HACE1: variants seen among roughly 807,000 people sequenced by gnomAD.
HACE1 encodes E3 ubiquitin-protein ligase HACE1.
Under a neutral mutation model 118.4 loss-of-function variants are expected in HACE1, and 73 were observed. The ratio of observed to expected loss-of-function variants is 0.62; its 90% CI spans 0.51 to 0.75. The LOEUF (loss-of-function observed/expected upper bound fraction) is 0.75, where lower values mean the gene tolerates loss of function less well. HACE1 is among the 30% of genes least tolerant of loss of function. The pLI is 0.00. For synonymous variants in HACE1, 368 were observed against 374.8 expected (o/e 0.98, Z 0.21); for missense variants, 749 against 1,102.2 (o/e 0.68, Z 4.54).
chr6:104,832,760 G>A (rs34372858), intron 6 of HACE1, among the ~76,000 whole-genome samples: 21,988 of 151,784 alleles, frequency 0.14, 1,618 homozygotes, highest in Middle Eastern at 0.22. Flanking sequence ...TGGGCCAGGT[G>A]CAGTGGTTCA....
At chr6:104,819,818 A>AAT (rs1217577821) in intron 6 of HACE1, among the ~76,000 whole-genome samples, 1 of 152,206 alleles carries the variant, frequency 6.6e-6, no homozygotes, top group Non-Finnish European at 1.5e-5. Context: ...ATGGTGTTGT[A>AAT]ATAACTGGTT....
intron 7 of HACE1, among the ~76,000 whole-genome samples, chr6:104,804,515 A>G (rs1224133059): frequency 1.3e-5 from 2 of 152,160 alleles, no homozygotes; most frequent in Non-Finnish European, 2.9e-5. Context: ...ACCAAGAGAT[A>G]TAGACCAATG....
Position 104,833,054 on chromosome 6 carries a change from G to T in HACE1, c.522C>A (p.Asn174Lys). ...GQTALHVACQ[N>K]GHKTTVQCLL... ...TGGCTCAACTTACCGTCTTGTGACC[G>T]TTCTGGCAGGCAACATGCAGTGCTG... The change falls in exon 6 of 24, where the codon AAC becomes AAA. Residue 174 changes from asparagine (N) to lysine (K), a missense_variant. Asn to Lys is a moderately conservative substitution (Grantham distance 94). This residue lies in a region of HACE1 where 267 missense variants were observed against 312.2 expected (regional missense o/e 0.86). Transcript: ENST00000262903. The T allele has an allele frequency of 6.2e-7, 1 of 1,613,072 alleles. No individual in the cohort carries two copies.
intron 6 of HACE1, among the ~76,000 whole-genome samples, chr6:104,830,557 G>A (rs1022974203): frequency 6.6e-6 from 1 of 152,010 alleles, no homozygotes; most frequent in Admixed American, 6.6e-5. Flanking sequence ...CATACATCCT[G>A]AAACCAGGTT....
intron 19 of HACE1, among the ~76,000 whole-genome samples, chr6:104,755,448 A>T (rs1335163414): frequency 6.6e-6 from 1 of 152,198 alleles, no homozygotes; most frequent in African/African-American, 2.4e-5. Flanking sequence ...TATCTACAGA[A>T]CTTCCCACCG....
chr6:104,828,753 T>C lies in HACE1; in HGVS notation c.534+4289A>G, dbSNP rs1299263415. On this transcript the variant is annotated intron_variant, in intron 6 of 23. Transcript: ENST00000262903. ...CAACAGCTGCATCTATATGAAATCA[T>C]ATTTAAGATTACTCAAGTTCTTAGT... 2.6e-5 allele frequency among the ~76,000 whole-genome samples: 4 copies of C among 152,068 alleles called. No homozygotes were observed. The East Asian group carries it at 7.7e-4, about 29-fold the overall frequency.
intron 7 of HACE1, among the ~76,000 whole-genome samples, chr6:104,810,275 C>T (rs966921610): frequency 1.3e-5 from 2 of 151,840 alleles, no homozygotes; most frequent in Admixed American, 1.3e-4. Context: ...CCCAGAAGCC[C>T]CTGAATTCTA....
At chr6:104,808,101 G>A (rs1324653558) in intron 7 of HACE1, among the ~76,000 whole-genome samples, 9 of 151,864 alleles carry the variant, frequency 5.9e-5, no homozygotes, top group South Asian at 2.1e-4. Flanking sequence ...CAGGAGAATC[G>A]CTTGAAGCCA....
intron 7 of HACE1, among the ~76,000 whole-genome samples, chr6:104,800,488 G>A (rs1401947947): frequency 1.3e-5 from 2 of 152,098 alleles, no homozygotes; most frequent in Admixed American, 6.6e-5. Flanking sequence ...TCATATAGGC[G>A]GGTGCCCCTC....
At chr6:104,822,719 T>C (rs973502613) in intron 6 of HACE1, among the ~76,000 whole-genome samples, 13 of 151,760 alleles carry the variant, frequency 8.6e-5, no homozygotes, top group African/African-American at 2.7e-4. Flanking sequence ...TAGCCTGGCG[T>C]GGTGGTACAT....
intron 7 of HACE1, among the ~76,000 whole-genome samples, chr6:104,801,519 C>T (rs753388037): frequency 5.3e-5 from 8 of 152,164 alleles, no homozygotes; most frequent in South Asian, 2.1e-4. Context: ...GCGGATCTCT[C>T]GGCAGAAACT....
chr6:104,852,488 G>A (rs1469759619), intron 1 of HACE1, 117 bp from the exon 2 acceptor site: 4 of 683,834 alleles, frequency 5.8e-6, no homozygotes, highest in Non-Finnish European at 1.1e-5. Flanking sequence ...GAGGAAGAAG[G>A]AGGAAAGAAT....
intron 7 of HACE1, among the ~76,000 whole-genome samples, chr6:104,805,398 T>C (rs1770878060): frequency 6.6e-6 from 1 of 152,190 alleles, no homozygotes; most frequent in Non-Finnish European, 1.5e-5. Context: ...TAAAGACACA[T>C]GGATACATAT....
intron 10 of HACE1, among the ~76,000 whole-genome samples, chr6:104,795,192 G>C (rs998053016): frequency 6.6e-6 from 1 of 152,070 alleles, no homozygotes; most frequent in African/African-American, 2.4e-5. Context: ...AACTTTATAA[G>C]GAGTCATGAA....
At chr6:104,766,278 G>C (rs909289036) in intron 19 of HACE1, among the ~76,000 whole-genome samples, 8 of 152,068 alleles carry the variant, frequency 5.3e-5, no homozygotes, top group African/African-American at 1.9e-4. Flanking sequence ...CAGCAGAAGG[G>C]GGCTGGGAGG....
chr6:104,744,319 CATTTT>C, intron 21 of HACE1, 89 bp from the exon 22 acceptor site: 3 of 915,876 alleles, frequency 3.3e-6, no homozygotes, highest in Non-Finnish European at 5.5e-6. Context: ...TCATAAAGCA[CATTTT>C]ATTCTACAAA....
At chr6:104,756,683 TGGGA>T (rs1166098563) in intron 19 of HACE1, among the ~76,000 whole-genome samples, 3 of 151,680 alleles carry the variant, frequency 2.0e-5, no homozygotes, top group Non-Finnish European at 4.4e-5. Context: ...TTCAACTCAT[TGGGA>T]CTGGTTGGAC....
chr6:104,736,994 A>G (rs1775915278), intron 22 of HACE1, among the ~76,000 whole-genome samples: 1 of 152,094 alleles, frequency 6.6e-6, no homozygotes, highest in Non-Finnish European at 1.5e-5. Flanking sequence ...CAGTTTTTAA[A>G]AATTATAGGC....
chr6:104,752,124 A>G (rs1009579772), intron 19 of HACE1, among the ~76,000 whole-genome samples: 2 of 152,116 alleles, frequency 1.3e-5, no homozygotes, highest in Non-Finnish European at 2.9e-5. Context: ...AATTTAACAC[A>G]AGGAAAGCTA....
Sources: allele counts gnomAD v4.1 joint callset (sites outside exome capture counted in the v4.1 genomes callset), GRCh38; gene constraint gnomAD v4.1.1; regional missense constraint gnomAD v4.1.1; transcripts MANE v1.5; gene names NCBI Gene and HGNC (gene_info 2026-07-23, HGNC 2026-07-21).